UNC13C: variants seen among roughly 807,000 people sequenced by gnomAD.
UNC13C encodes protein unc-13 homolog C.
In UNC13C, 174 loss-of-function variants were observed where a neutral mutation model predicts 245.4. The observed-to-expected ratio is 0.71, with a 90% CI of 0.63 to 0.80. The LOEUF is 0.80. UNC13C is among the 30% of genes least tolerant of loss of function. The pLI, the probability that UNC13C is intolerant of heterozygous loss-of-function variation, is 0.00. For missense variants in UNC13C, 2,829 were observed against 2,602.9 expected, an observed-to-expected ratio of 1.09 and a Z score of -1.89; for synonymous variants, 992 against 895.1, an observed-to-expected ratio of 1.11 and a Z score of -1.93.
chr15:54,065,018 A>T (rs892326438), intron 2 of UNC13C, among the ~76,000 whole-genome samples: 4 of 152,196 alleles, frequency 2.6e-5, no homozygotes, highest in Non-Finnish European at 5.9e-5. Flanking sequence ...AGATTCATTC[A>T]CCCCAATGGT....
chr15:54,202,985 T>C (rs2034571279), intron 4 of UNC13C, among the ~76,000 whole-genome samples: 1 of 151,308 alleles, frequency 6.6e-6, no homozygotes, highest in Non-Finnish European at 1.5e-5. Context: ...AAAATTTCTA[T>C]CAAAAAATGG....
intron 19 of UNC13C, among the ~76,000 whole-genome samples, chr15:54,475,717 T>C (rs1892703349): frequency 1.4e-5 from 2 of 138,588 alleles, no homozygotes; most frequent in Admixed American, 1.5e-4. Flanking sequence ...TTGTTGGACA[T>C]CTGGGTTGGT....
intron 2 of UNC13C, among the ~76,000 whole-genome samples, chr15:54,077,278 A>G (rs192024669): frequency 6.6e-6 from 1 of 151,730 alleles, no homozygotes; most frequent in East Asian, 1.9e-4. Context: ...GTGCATTTTG[A>G]TACATTTTCT....
intron 2 of UNC13C, among the ~76,000 whole-genome samples, chr15:54,078,589 C>A (rs147398275): frequency 6.6e-6 from 1 of 152,000 alleles, no homozygotes; most frequent in African/African-American, 2.4e-5. Context: ...TGATGTCGAG[C>A]ATTTTCTCAT....
intron 4 of UNC13C, among the ~76,000 whole-genome samples, chr15:54,216,952 A>G (rs934177087): frequency 4.6e-5 from 7 of 152,050 alleles, no homozygotes; most frequent in Non-Finnish European, 1.0e-4. Flanking sequence ...TTGGTTTCTA[A>G]TGTGGTTCCC....
At chr15:54,486,247 T>G (rs1454779933) in intron 19 of UNC13C, among the ~76,000 whole-genome samples, 4 of 45,768 alleles carry the variant, frequency 8.7e-5, no homozygotes, top group Non-Finnish European at 8.8e-5. Context: ...CCAGATCTAT[T>G]AAAACACACA....
At chr15:54,038,124 A>ATAAAAATTTTTTTTTTTTTTTTTTTTT in intron 2 of UNC13C, among the ~76,000 whole-genome samples, 4 of 45,038 alleles carry the variant, frequency 8.9e-5, no homozygotes, top group Admixed American at 5.0e-4. Context: ...ATATATATAT[A>ATAAAAATTTTTTTTTTTTTTTTTTTTT]TTTTTTTTTT....
chr15:54,425,214 C>T (rs892974071), intron 19 of UNC13C, among the ~76,000 whole-genome samples: 4 of 151,766 alleles, frequency 2.6e-5, no homozygotes, highest in African/African-American at 4.8e-5. Flanking sequence ...AGTAAAAACT[C>T]ACAATTCACT....
At chr15:54,232,231 AG>A (rs1008050185) in intron 4 of UNC13C, among the ~76,000 whole-genome samples, 2 of 152,152 alleles carry the variant, frequency 1.3e-5, no homozygotes, top group African/African-American at 4.8e-5. Flanking sequence ...CTATCTGTGA[AG>A]GTTGAGAAAG....
chr15:54,135,587 T>G (rs1015847954), intron 2 of UNC13C, among the ~76,000 whole-genome samples: 1 of 152,218 alleles, frequency 6.6e-6, no homozygotes, highest in African/African-American at 2.4e-5. Flanking sequence ...TCTTGGCACC[T>G]TCATCAAATA....
intron 2 of UNC13C, among the ~76,000 whole-genome samples, chr15:54,048,323 T>C (rs559990572): frequency 6.6e-6 from 1 of 152,316 alleles, no homozygotes; most frequent in Admixed American, 6.5e-5. Flanking sequence ...TTATGTTTCC[T>C]CTTTACCAAA....
chr15:54,166,498 CT>C (rs1275532667), intron 4 of UNC13C, among the ~76,000 whole-genome samples: 3 of 151,856 alleles, frequency 2.0e-5, no homozygotes, highest in Non-Finnish European at 2.9e-5. Context: ...AATTTTACAG[CT>C]TTTTAAAACA....
At chr15:53,995,008 G>A (rs1017615797) in intron 1 of UNC13C, among the ~76,000 whole-genome samples, 2 of 151,778 alleles carry the variant, frequency 1.3e-5, no homozygotes, top group African/African-American at 2.4e-5. Flanking sequence ...AGGAATGAAG[G>A]GTGAACCTGG....
At chr15:54,554,462 T>C (rs959175393) in intron 28 of UNC13C, among the ~76,000 whole-genome samples, 8 of 152,084 alleles carry the variant, frequency 5.3e-5, no homozygotes, top group African/African-American at 1.9e-4. Context: ...ACACCTTTTA[T>C]TATTTACCAA....
intron 17 of UNC13C, among the ~76,000 whole-genome samples, chr15:54,342,932 C>T (rs1225838384): frequency 6.6e-6 from 1 of 152,096 alleles, no homozygotes; most frequent in Non-Finnish European, 1.5e-5. Context: ...CTTGGTCCTC[C>T]AGGATTTCTA....
the UNC13C span, among the ~76,000 whole-genome samples, chr15:53,885,288 C>G: frequency 6.6e-6 from 1 of 152,168 alleles, no homozygotes; most frequent in African/African-American, 2.4e-5. Context: ...ATTCTTCTTC[C>G]CTAAGGTGGG....
chr15:54,482,515 A>G (rs765554452), intron 19 of UNC13C, among the ~76,000 whole-genome samples: 3 of 147,938 alleles, frequency 2.0e-5, no homozygotes, highest in Non-Finnish European at 4.5e-5. Context: ...TTTTCCCACA[A>G]TGGGAGGTTC....
chr15:54,496,011 G>C (rs1002470297), intron 20 of UNC13C, among the ~76,000 whole-genome samples: 11 of 151,892 alleles, frequency 7.2e-5, no homozygotes, highest in Non-Finnish European at 2.9e-5. Context: ...TATACAACAT[G>C]GTGACTGTAA....
intron 26 of UNC13C, among the ~76,000 whole-genome samples, chr15:54,537,033 G>A (rs1307518300): frequency 6.6e-6 from 1 of 151,958 alleles, no homozygotes; most frequent in Non-Finnish European, 1.5e-5. Flanking sequence ...AAGAGAGAAA[G>A]TCAATCTCTG....
Sources: gnomAD v4.1 joint callset for allele counts (sites outside exome capture counted in the v4.1 genomes callset) on GRCh38, gnomAD v4.1.1 for gene constraint, MANE v1.5 for transcripts, NCBI Gene and HGNC (gene_info 2026-07-23, HGNC 2026-07-21) for gene names.